MAP1LC3B2: variants seen among roughly 807,000 people sequenced by gnomAD.
MAP1LC3B2 encodes the protein microtubule-associated protein 1 light chain 3 beta 2.
For missense variants in MAP1LC3B2, 155 were observed against 154.6 expected, an observed-to-expected ratio of 1.00 and a Z score of -0.01; for synonymous variants, 62 against 57.8, an observed-to-expected ratio of 1.07 and a Z score of -0.33.
chr12:116,576,014 A>C lies in MAP1LC3B2; in HGVS notation c.72A>C (p.Arg24=). 1.2e-6 allele frequency: 2 copies of C among 1,614,250 alleles called. No homozygotes were observed. The highest frequency in any genetic ancestry group is 1.7e-6 in the Non-Finnish European group (2 of 1,180,042). The part of the protein sequence containing the change: ...EQRVEDVRLI[R]EQHPTKIPVI... Reference sequence around the variant, plus strand: ...GAGTAGAAGATGTCCGACTTATTCGAGAGCAGCATCCAACCAAAATCCCGG... The same window carrying C: ...GAGTAGAAGATGTCCGACTTATTCGCGAGCAGCATCCAACCAAAATCCCGG... The change falls in exon 2 of 2, where the codon CGA becomes CGC. Residue 24 remains arginine (R), a synonymous_variant. Transcript: ENST00000556529.
At chr12:116,569,022 GCTAA>G (rs1309597365) in intron 1 of MAP1LC3B2, among the ~76,000 whole-genome samples, 3 of 151,910 alleles carry the variant, frequency 2.0e-5, no homozygotes, top group African/African-American at 7.3e-5. Flanking sequence ...ACCACGCCTG[GCTAA>G]CTTTTTGTAT....
Position 116,575,989 on chromosome 12 carries a change from G to T in MAP1LC3B2, c.47G>T (p.Arg16Ile). 6.2e-6 allele frequency: 10 copies of T among 1,614,212 alleles called. No individual in the cohort carries two copies. Among genetic ancestry groups the T allele is most frequent in the Non-Finnish European group, 8.5e-6 (10 of 1,180,048 alleles). ...TFKQRRTFEQRVEDVRLIREQ... is the reference protein window; with the variant it reads ...TFKQRRTFEQIVEDVRLIREQ... ...AAGCAGCGGCGCACCTTCGAACAAA[G>T]AGTAGAAGATGTCCGACTTATTCGA... Residue 16 changes from arginine to isoleucine, a missense_variant, in exon 2 of 2, where the codon AGA (arginine) becomes ATA (isoleucine). Arg to Ile is a moderately conservative substitution (Grantham distance 97). Transcript: ENST00000556529.
chr12:116,567,448 C>CGT (rs1869416891), intron 1 of MAP1LC3B2, among the ~76,000 whole-genome samples: 1 of 127,858 alleles, frequency 7.8e-6, no homozygotes, highest in Non-Finnish European at 1.6e-5. Context: ...CTTTGCAAAT[C>CGT]TTTTTTTTTT....
chr12:116,573,626 C>G (rs1454069836), intron 1 of MAP1LC3B2, among the ~76,000 whole-genome samples: 9 of 152,078 alleles, frequency 5.9e-5, no homozygotes, highest in African/African-American at 2.2e-4. Flanking sequence ...AAGCAATTCT[C>G]CTGCCCCAGC....
chr12:116,568,549 A>G (rs867260848), intron 1 of MAP1LC3B2, among the ~76,000 whole-genome samples: 2 of 152,202 alleles, frequency 1.3e-5, no homozygotes, highest in South Asian at 4.1e-4. Context: ...GGATTACTGC[A>G]TGGTTTGAAT....
chr12:116,567,641 A>G (rs1179904441), intron 1 of MAP1LC3B2, among the ~76,000 whole-genome samples: 2 of 151,898 alleles, frequency 1.3e-5, no homozygotes, highest in African/African-American at 4.8e-5. Context: ...CCAGCTACTC[A>G]GGAGGTTGAG....
intron 1 of MAP1LC3B2, among the ~76,000 whole-genome samples, chr12:116,572,987 C>A (rs141831530): frequency 3.0e-4 from 46 of 152,080 alleles, no homozygotes; most frequent in African/African-American, 1.0e-3. Context: ...GCCAGTGGCA[C>A]GATCTTGGCT....
intron 1 of MAP1LC3B2, among the ~76,000 whole-genome samples, chr12:116,567,765 A>AAT (rs948359368): frequency 2.7e-4 from 41 of 151,256 alleles, no homozygotes; most frequent in East Asian, 7.8e-4. Flanking sequence ...AAAATAAAAA[A>AAT]ATATATATAT....
chr12:116,565,362 G>A (rs1159038825), intron 1 of MAP1LC3B2, among the ~76,000 whole-genome samples: 2 of 152,186 alleles, frequency 1.3e-5, no homozygotes, highest in African/African-American at 4.8e-5. Flanking sequence ...CATGGATGGA[G>A]GCAGGAAAAG....
rs373154202 is a variant in MAP1LC3B2, at chr12:116,576,088, A to T, written c.146A>T (p.Lys49Ile). 10 of 1,614,246 alleles carry T rather than the reference A, an allele frequency of 6.2e-6. No individual in the cohort carries two copies. In the African/African-American group the frequency reaches 1.3e-4, roughly 22 times the overall value. ...GAGAAGCAGCTTCCTGTTCTGGATA[A>T]AACAAAGTTCCTTGTACCTGACCAT... ...KGEKQLPVLD[K>I]TKFLVPDHVN... is the part of the protein sequence containing the mutation. The change falls in exon 2 of 2, where the codon AAA (lysine) becomes ATA (isoleucine). Residue 49 changes from lysine (K) to isoleucine (I), a missense_variant. Lys to Ile is a moderately radical substitution (Grantham distance 102). Coordinates refer to ENST00000556529, the MANE Select transcript of MAP1LC3B2 (RefSeq NM_001085481.3).
intron 1 of MAP1LC3B2, among the ~76,000 whole-genome samples, chr12:116,571,738 C>T (rs534783004): frequency 6.6e-6 from 1 of 151,846 alleles, no homozygotes; most frequent in Non-Finnish European, 1.5e-5. Context: ...GTCTCGGCCG[C>T]CCAAAGTGCT....
chr12:116,561,911 C>T (rs1252123414), intron 1 of MAP1LC3B2, among the ~76,000 whole-genome samples: 1 of 152,214 alleles, frequency 6.6e-6, no homozygotes, highest in African/African-American at 2.4e-5. Context: ...TTGTTTTTCC[C>T]TGTCAGCATC....
chr12:116,576,008 T>C lies in MAP1LC3B2; in HGVS notation c.66T>C (p.Leu22=), dbSNP rs777750035. The C allele has an allele frequency of 6.2e-7, 1 of 1,614,154 alleles. No homozygotes were observed. Among genetic ancestry groups the C allele is most frequent in the Non-Finnish European group, 8.5e-7 (1 of 1,180,016 alleles). ...TFEQRVEDVR[L]IREQHPTKIP... Reference sequence around the variant, plus strand: ...AACAAAGAGTAGAAGATGTCCGACTTATTCGAGAGCAGCATCCAACCAAAA... The same window carrying C: ...AACAAAGAGTAGAAGATGTCCGACTCATTCGAGAGCAGCATCCAACCAAAA... Residue 22 remains leucine, a synonymous_variant, in exon 2 of 2, where the codon CTT becomes CTC. Coordinates refer to ENST00000556529, the MANE Select transcript of MAP1LC3B2 (RefSeq NM_001085481.3).
intron 1 of MAP1LC3B2, among the ~76,000 whole-genome samples, chr12:116,574,945 G>C (rs1869629053): frequency 6.6e-6 from 1 of 151,896 alleles, no homozygotes; most frequent in Non-Finnish European, 1.5e-5. Flanking sequence ...GCTCACGTCT[G>C]TGATCCCAAC....
chr12:116,560,923 C>T (rs1402763848), intron 1 of MAP1LC3B2, among the ~76,000 whole-genome samples: 1 of 151,990 alleles, frequency 6.6e-6, no homozygotes, highest in Non-Finnish European at 1.5e-5. Flanking sequence ...TCAAGACCAG[C>T]TTGCCCAATA....
chr12:116,560,006 G>A (rs1041645002), intron 1 of MAP1LC3B2: 1 of 150,280 alleles, frequency 6.7e-6, no homozygotes, highest in African/African-American at 2.5e-5. Flanking sequence ...GCACCTTCCA[G>A]AAAAGATGGC....
intron 1 of MAP1LC3B2, among the ~76,000 whole-genome samples, chr12:116,565,766 C>T (rs576114008): frequency 1.4e-4 from 22 of 152,274 alleles, no homozygotes; most frequent in East Asian, 3.9e-4. Context: ...AGATGATATA[C>T]GATAGTGGGA....
intron 1 of MAP1LC3B2, among the ~76,000 whole-genome samples, chr12:116,574,505 G>A (rs779784648): frequency 2.6e-5 from 4 of 152,014 alleles, no homozygotes; most frequent in South Asian, 4.1e-4. Context: ...AAATAGCTGG[G>A]TGTGGTGGCG....
At chr12:116,568,606 T>C (rs1399614737) in intron 1 of MAP1LC3B2, among the ~76,000 whole-genome samples, 1 of 152,164 alleles carries the variant, frequency 6.6e-6, no homozygotes, top group East Asian at 1.9e-4. Flanking sequence ...TCCAAGTTCA[T>C]ATGTTGATGG....
Sources: allele counts gnomAD v4.1 joint callset (sites outside exome capture counted in the v4.1 genomes callset), GRCh38; gene constraint gnomAD v4.1.1; transcripts MANE v1.5; gene names NCBI Gene and HGNC (gene_info 2026-07-23, HGNC 2026-07-21).